TNNI1: variants seen among roughly 807,000 people sequenced by gnomAD.
TNNI1 encodes the protein troponin I, slow skeletal muscle.
Under a neutral mutation model 26.7 loss-of-function variants are expected in TNNI1, and 14 were observed. That is an observed-to-expected ratio of 0.52 (90% CI 0.35 to 0.82). The LOEUF is 0.82. Ranked by LOEUF, TNNI1 falls within the 40% of genes least tolerant of loss-of-function variation. The pLI is 0.01. For synonymous variants in TNNI1, 79 were observed against 98.2 expected (o/e 0.80, Z 1.16); for missense variants, 164 against 257.0 (o/e 0.64, Z 2.47).
In TNNI1 at chr1:201,414,654, A is replaced by G. The variant is rs1234341733; in HGVS notation, c.58-5T>C. 1 of 1,613,048 alleles carries G rather than the reference A, an allele frequency of 6.2e-7. No individual in the cohort carries two copies. The highest frequency in any genetic ancestry group is 1.7e-5 in the Admixed American group (1 of 59,958). Reference sequence around the variant, plus strand: ...GGCCTTGGCCAGCATCAGGCTCTGGACAGGACACACCTGCTGAGCTGGGGG... The same window carrying G: ...GGCCTTGGCCAGCATCAGGCTCTGGGCAGGACACACCTGCTGAGCTGGGGG... On this transcript the variant is annotated splice_region_variant and splice_polypyrimidine_tract_variant and intron_variant, in intron 4 of 8. Transcript: ENST00000361379.
chr1:201,417,146 G>T, intron 2 of TNNI1, 27 bp from the exon 3 acceptor site: 1 of 1,613,984 alleles, frequency 6.2e-7, no homozygotes, highest in Non-Finnish European at 8.5e-7. Context: ...CAGGAAGGAC[G>T]GGGAAAGAGC....
intron 3 of TNNI1, among the ~76,000 whole-genome samples, chr1:201,415,997 A>T (rs1662732142): frequency 6.6e-6 from 1 of 152,124 alleles, no homozygotes; most frequent in South Asian, 2.1e-4. Context: ...ATAGGCGGTC[A>T]CTTCTCATTG....
chr1:201,417,280 G>C lies in TNNI1; in HGVS notation c.12-161C>G, dbSNP rs1662759418. 2.6e-5 allele frequency among the ~76,000 whole-genome samples: 4 copies of C among 152,304 alleles called. No individual in the cohort carries two copies. The South Asian group carries it at 6.2e-4, about 24-fold the overall frequency. On this transcript the variant is annotated intron_variant, in intron 2 of 8. Coordinates refer to ENST00000361379, the MANE Select transcript of TNNI1 (RefSeq NM_003281.4). Reference sequence around the variant, plus strand: ...CAGAAAGTCATCAGGCATCAGGCAAGGGGAGCGGTTTGAGGTTCCGGCAGA... The same window carrying C: ...CAGAAAGTCATCAGGCATCAGGCAACGGGAGCGGTTTGAGGTTCCGGCAGA...
chr1:201,411,334 T>G lies in TNNI1; in HGVS notation c.456+23A>C, dbSNP rs1350438604. 5 of 1,611,436 alleles carry G rather than the reference T, an allele frequency of 3.1e-6. No homozygotes were observed. The South Asian group carries it at 5.5e-5, about 18-fold the overall frequency. ...AAAGCTGGTAGGGCAGAGGGTGGAA[T>G]GTTCTGAGGAAAGGGACCTCACCTT... On this transcript the variant is annotated intron_variant, in intron 7 of 8. Coordinates refer to ENST00000361379, the MANE Select transcript of TNNI1 (RefSeq NM_003281.4). This position sits in a 1 kb window ranked among gnomAD's most constrained non-coding sequence, Gnocchi z 4.6.
chr1:201,417,014 C>T, intron 3 of TNNI1, 102 bp downstream of exon 3: 1 of 1,457,814 alleles, frequency 6.9e-7, no homozygotes, highest in Non-Finnish European at 9.6e-7. Context: ...CCCACCAGGC[C>T]TTAACACAGG....
At chr1:201,412,672 A>C (rs1319317046) in intron 6 of TNNI1, among the ~76,000 whole-genome samples, 3 of 152,224 alleles carry the variant, frequency 2.0e-5, no homozygotes, top group African/African-American at 7.2e-5. Context: ...AATAGCCCCT[A>C]CTTCATCCAC....
At chr1:201,418,811 A>T (rs1662800953) in intron 1 of TNNI1, among the ~76,000 whole-genome samples, 1 of 152,184 alleles carries the variant, frequency 6.6e-6, no homozygotes, top group Admixed American at 6.5e-5. Flanking sequence ...ATTAGGGGTT[A>T]AATCAGTGAG....
intron 4 of TNNI1, 69 bp downstream of exon 4, chr1:201,415,144 T>A: frequency 7.2e-7 from 1 of 1,389,608 alleles, no homozygotes; most frequent in East Asian, 2.3e-5. Context: ...TCCACATCCC[T>A]TCAGAGTCTG....
chr1:201,413,104 C>T lies in TNNI1; in HGVS notation c.207G>A (p.Leu69=). ...CATCCACCACCTCCACCTTGGCGTG[C>T]AGCTCCCGGCACAGGTCCTGGGGGC... ...LSALQDLCRE[L]HAKVEVVDEE... is the part of the protein sequence containing the mutation. Residue 69 remains leucine, a synonymous_variant, in exon 6 of 9, where the codon CTG becomes CTA. Coordinates refer to ENST00000361379, the MANE Select transcript of TNNI1 (RefSeq NM_003281.4). The T allele has an allele frequency of 6.2e-7, 1 of 1,614,058 alleles. No homozygotes were observed. Among genetic ancestry groups the T allele is most frequent in the Non-Finnish European group, 8.5e-7 (1 of 1,179,948 alleles).
intron 2 of TNNI1, 126 bp from the exon 3 acceptor site, chr1:201,417,245 A>T (rs530230279): frequency 1.6e-6 from 2 of 1,258,702 alleles, no homozygotes; most frequent in African/African-American, 2.9e-5. Flanking sequence ...GGCCAGTGAC[A>T]ACAGTGAGCC....
At chr1:201,418,802 T>C (rs1662800809) in intron 1 of TNNI1, among the ~76,000 whole-genome samples, 1 of 152,150 alleles carries the variant, frequency 6.6e-6, no homozygotes, top group South Asian at 2.1e-4. Context: ...CTCTGCAAAA[T>C]TAGGGGTTAA....
intron 6 of TNNI1, 103 bp downstream of exon 6, chr1:201,412,929 C>T: frequency 8.3e-7 from 1 of 1,208,494 alleles, no homozygotes; most frequent in Non-Finnish European, 1.2e-6. Context: ...GTGGCCCCTT[C>T]CTAGGCCCTG....
Position 201,411,572 on chromosome 1 carries a change from G to A in TNNI1, c.280-39C>T. The stretch of plus-strand genomic sequence containing the variant: ...GCGCCCGGGGCTCACTGGAGAGGCA[G>A]CTAGCCACAGGACACCCTTCCTGAG... On this transcript the variant is annotated intron_variant, in intron 6 of 8. Coordinates refer to ENST00000361379, the MANE Select transcript of TNNI1 (RefSeq NM_003281.4). This position sits in a 1 kb window ranked among gnomAD's most constrained non-coding sequence, Gnocchi z 4.6. 1.3e-6 allele frequency: 2 copies of A among 1,509,144 alleles called. No individual in the cohort carries two copies. Among genetic ancestry groups the A allele is most frequent in the Admixed American group, 2.5e-5 (1 of 39,862 alleles). 93.5% of individuals were successfully genotyped at this position (1,509,144 alleles called of 1,614,324 possible). A position where few individuals can be genotyped will look rare whatever the true frequency, so the allele number is the denominator to read the frequency against.
At chr1:201,410,249 C>T (rs1451263424) in intron 8 of TNNI1, 77 bp downstream of exon 8, 25 of 1,325,154 alleles carry the variant, frequency 1.9e-5, no homozygotes, top group South Asian at 6.2e-5. Context: ...AAGTACAACC[C>T]GCCTGCCCAT....
At chr1:201,419,782 A>G (rs1662822909) in intron 1 of TNNI1, among the ~76,000 whole-genome samples, 1 of 152,148 alleles carries the variant, frequency 6.6e-6, no homozygotes, top group Admixed American at 6.5e-5. Flanking sequence ...GGGGAGGGTA[A>G]GGCTGGGGTG....
At chr1:201,415,993 G>A (rs572974095) in intron 3 of TNNI1, among the ~76,000 whole-genome samples, 13 of 152,198 alleles carry the variant, frequency 8.5e-5, no homozygotes, top group South Asian at 2.1e-4. Flanking sequence ...GGCCATAGGC[G>A]GTCACTTCTC....
intron 4 of TNNI1, 30 bp downstream of exon 4, chr1:201,415,183 C>G (rs1301056260): frequency 6.2e-7 from 1 of 1,602,546 alleles, no homozygotes; most frequent in African/African-American, 1.3e-5. Context: ...TCCCACTGGG[C>G]ATCCCCCCAC....
At chr1:201,415,025 AG>A (rs1662708874) in intron 4 of TNNI1, among the ~76,000 whole-genome samples, 187 bp downstream of exon 4, 1 of 152,198 alleles carries the variant, frequency 6.6e-6, no homozygotes, top group Non-Finnish European at 1.5e-5. Context: ...TCCATACTCG[AG>A]GATCCCACCT....
rs145661726 is a variant in TNNI1 at position 201,411,409 on chromosome 1, G to C, written c.404C>G (p.Ser135Cys). 8.1e-6 allele frequency: 13 copies of C among 1,613,842 alleles called. No individual in the cohort carries two copies. The African/African-American group carries it at 1.7e-4, about 22-fold the overall frequency. The part of the protein sequence containing the change: ...RALLGSKHKV[S>C]MDLRANLKSV... The stretch of plus-strand genomic sequence containing the variant: ...CTTGAGGTTGGCCCGCAGATCCATG[G>C]ACACCTTGTGCTTGGAGCCCAGCAG... The change falls in exon 7 of 9, where the codon TCC (serine) becomes TGC (cysteine). Residue 135 changes from serine (S) to cysteine (C), a missense_variant. By Grantham distance (112) the Ser-to-Cys change is moderately radical. This residue lies in a region of TNNI1 where 43 missense variants were observed against 74.3 expected (regional missense o/e 0.58). Coordinates refer to ENST00000361379, the MANE Select transcript of TNNI1 (RefSeq NM_003281.4). This position sits in a 1 kb window ranked among gnomAD's most constrained non-coding sequence, Gnocchi z 4.6.
Sources: gnomAD v4.1 joint callset for allele counts (sites outside exome capture counted in the v4.1 genomes callset) on GRCh38, gnomAD v4.1.1 for gene constraint, gnomAD v4.1.1 regional missense constraint, Gnocchi (gnomAD v3.1) non-coding constraint, MANE v1.5 for transcripts, NCBI Gene and HGNC (gene_info 2026-07-23, HGNC 2026-07-21) for gene names.